PLEKHA2: variants seen among roughly 807,000 people sequenced by gnomAD.
PLEKHA2 encodes the protein pleckstrin homology domain containing A2, also known as pleckstrin homology domain-containing family A member 2.
Under a neutral mutation model 53.2 loss-of-function variants are expected in PLEKHA2, and 28 were observed. The ratio of observed to expected loss-of-function variants is 0.53; its 90% confidence interval spans 0.39 to 0.72. PLEKHA2 has a LOEUF of 0.72. PLEKHA2 is among the 30% of genes least tolerant of loss of function. The pLI is 0.00. For synonymous variants in PLEKHA2, 193 were observed against 196.4 expected, an observed-to-expected ratio of 0.98 and a Z score of 0.14; for missense variants, 426 against 537.9, an observed-to-expected ratio of 0.79 and a Z score of 2.06.
At chr8:38,955,696 TA>T in intron 9 of PLEKHA2, among the ~76,000 whole-genome samples, 1 of 152,296 alleles carries the variant, frequency 6.6e-6, no homozygotes, top group East Asian at 1.9e-4. Context: ...CTGGCCGAGG[TA>T]GTGCCATTTT....
chr8:38,901,612 G>T (rs1833786432), intron 1 of PLEKHA2, among the ~76,000 whole-genome samples, 167 bp downstream of exon 1: 1 of 152,074 alleles, frequency 6.6e-6, no homozygotes, highest in Non-Finnish European at 1.5e-5. Context: ...GCTGACAGGC[G>T]AGGGGAGGTG....
At chr8:38,964,852 CTTTTTTTTTTTTTTTTTTT>C (rs56714628) in intron 10 of PLEKHA2, among the ~76,000 whole-genome samples, 2 of 54,958 alleles carry the variant, frequency 3.6e-5, no homozygotes, top group Non-Finnish European at 6.4e-5. Flanking sequence ...TGTTACTTCC[CTTTTTTTTTTTTTTTTTTT>C]TTTTTTTTTT....
At chr8:38,923,634 C>G (rs766399782) in intron 2 of PLEKHA2, among the ~76,000 whole-genome samples, 2 of 152,154 alleles carry the variant, frequency 1.3e-5, no homozygotes, top group Non-Finnish European at 2.9e-5. Context: ...GATCTAAATA[C>G]TGTGGCTACT....
chr8:38,967,183 G>A (rs886313311), intron 10 of PLEKHA2, among the ~76,000 whole-genome samples: 3 of 152,132 alleles, frequency 2.0e-5, no homozygotes, highest in African/African-American at 7.2e-5. Flanking sequence ...TCTTTATCGA[G>A]TCCTCTGTTG....
chr8:38,955,080 G>A (rs1245253621), intron 9 of PLEKHA2, among the ~76,000 whole-genome samples: 2 of 152,094 alleles, frequency 1.3e-5, no homozygotes, highest in South Asian at 2.1e-4. Flanking sequence ...AATTTCTATC[G>A]TTTTGGGGGA....
At chr8:38,934,757 CT>C (rs1387570875) in intron 2 of PLEKHA2, among the ~76,000 whole-genome samples, 3 of 152,054 alleles carry the variant, frequency 2.0e-5, no homozygotes, top group Non-Finnish European at 2.9e-5. Context: ...ATGTTTTATA[CT>C]GTACAGACAT....
intron 2 of PLEKHA2, among the ~76,000 whole-genome samples, chr8:38,918,442 C>A (rs987584908): frequency 3.5e-5 from 4 of 113,512 alleles, no homozygotes; most frequent in Non-Finnish European, 7.6e-5. Flanking sequence ...CATACACACA[C>A]ACAACCCATA....
chr8:38,946,238 C>T lies in PLEKHA2; in HGVS notation c.345+17C>T, dbSNP rs769721872. 2.5e-6 allele frequency: 4 copies of T among 1,577,666 alleles called. No individual in the cohort carries two copies. The highest frequency in any genetic ancestry group is 2.7e-5 in the African/African-American group (2 of 74,310). On this transcript the variant is annotated intron_variant, in intron 5 of 11. Coordinates refer to ENST00000617275, the MANE Select transcript of PLEKHA2 (RefSeq NM_021623.2). ...AAGATCACCGTAAGTTTGGTTTCTT[C>T]TGTTTTCTGGTGGTAGTAAAAGTGC...
chr8:38,920,243 C>G (rs1397331978), intron 2 of PLEKHA2, among the ~76,000 whole-genome samples: 1 of 151,494 alleles, frequency 6.6e-6, no homozygotes, highest in African/African-American at 2.4e-5. Flanking sequence ...CTCTGCCTCC[C>G]GGGTTCACGC....
At chr8:38,926,940 A>T (rs1834299797) in intron 2 of PLEKHA2, among the ~76,000 whole-genome samples, 1 of 152,174 alleles carries the variant, frequency 6.6e-6, no homozygotes, top group African/African-American at 2.4e-5. Flanking sequence ...AACCAAACAA[A>T]CAAACAAAAA....
chr8:38,910,682 C>T (rs961058059), intron 1 of PLEKHA2, among the ~76,000 whole-genome samples: 1 of 152,112 alleles, frequency 6.6e-6, no homozygotes, highest in African/African-American at 2.4e-5. Flanking sequence ...CATATTATTA[C>T]TTGGAATTTA....
In PLEKHA2 at chr8:38,972,187, T is replaced by C. The variant is rs1468457867; in HGVS notation, c.*2404T>C. ...TTAGAGCATTGCTTGTTTTTAATTTTTTTTTTTTAATTTTTAAAAGACAGG... is the reference window on the plus strand; with the variant it reads ...TTAGAGCATTGCTTGTTTTTAATTTCTTTTTTTTAATTTTTAAAAGACAGG... On this transcript the variant is annotated 3_prime_UTR_variant, in exon 12 of 12. Coordinates refer to ENST00000617275, the MANE Select transcript of PLEKHA2 (RefSeq NM_021623.2). 3.9e-5 allele frequency: 6 copies of C among 152,112 alleles called. No homozygotes were observed. 9.4% of individuals were successfully genotyped at this position (152,112 alleles called of 1,614,324 possible).
intron 2 of PLEKHA2, among the ~76,000 whole-genome samples, chr8:38,929,328 C>T (rs1834346310): frequency 6.6e-6 from 1 of 152,256 alleles, no homozygotes. Context: ...GAGTTTGGCA[C>T]CCAAGAGCCA....
At chr8:38,932,428 A>G (rs535331630) in intron 2 of PLEKHA2, among the ~76,000 whole-genome samples, 4 of 152,308 alleles carry the variant, frequency 2.6e-5, no homozygotes, top group African/African-American at 9.6e-5. Flanking sequence ...TTCAGGGAAG[A>G]GAGTCCTGAG....
At chr8:38,968,758 A>G in intron 11 of PLEKHA2, 89 bp downstream of exon 11, 1 of 1,403,826 alleles carries the variant, frequency 7.1e-7, no homozygotes, top group Non-Finnish European at 1.0e-6. Context: ...GTAGGCAAGC[A>G]GCCTGGTCCC....
chr8:38,939,329 C>G (rs1834555256), intron 3 of PLEKHA2, among the ~76,000 whole-genome samples: 1 of 152,204 alleles, frequency 6.6e-6, no homozygotes, highest in Non-Finnish European at 1.5e-5. Flanking sequence ...TAAAGCTGAT[C>G]AAAGACATTG....
At chr8:38,905,933 C>T (rs891366818) in intron 1 of PLEKHA2, among the ~76,000 whole-genome samples, 1 of 152,192 alleles carries the variant, frequency 6.6e-6, no homozygotes, top group Non-Finnish European at 1.5e-5. Context: ...ATCCACCCAC[C>T]TTGGACTCCC....
chr8:38,934,617 C>T (rs1054301987), intron 2 of PLEKHA2, among the ~76,000 whole-genome samples: 3 of 152,072 alleles, frequency 2.0e-5, no homozygotes, highest in African/African-American at 7.2e-5. Context: ...CATGGGACTG[C>T]CTTGGGTTTT....
intron 1 of PLEKHA2, among the ~76,000 whole-genome samples, chr8:38,903,380 T>G (rs747227868): frequency 2.9e-4 from 44 of 152,344 alleles, no homozygotes; most frequent in Admixed American, 1.9e-3. Context: ...TTTGCAACCC[T>G]TTCTTTTTCC....
Sources: allele counts gnomAD v4.1 joint callset (sites outside exome capture counted in the v4.1 genomes callset), GRCh38; gene constraint gnomAD v4.1.1; transcripts MANE v1.5; gene names NCBI Gene and HGNC (gene_info 2026-07-23, HGNC 2026-07-21).